The following CSMD1 variants were observed in gnomAD, a reference collection of about 807,000 sequenced individuals.
CSMD1 encodes the protein CUB and sushi domain-containing protein 1.
CSMD1 carries 213 observed loss-of-function variants against 417.5 expected under a neutral mutation model. The observed-to-expected ratio is 0.51, with a 90% CI of 0.46 to 0.57. The LOEUF is 0.57. Ranked by LOEUF, CSMD1 falls within the 20% of genes least tolerant of loss-of-function variation. CSMD1 has a pLI of 0.00. For synonymous variants in CSMD1, 2,862 were observed against 1,736.8 expected, an observed-to-expected ratio of 1.65 and a Z score of -16.11; for missense variants, 6,923 against 4,529.7, an observed-to-expected ratio of 1.53 and a Z score of -15.17.
intron 18 of CSMD1, among the ~76,000 whole-genome samples, chr8:3,376,603 T>G (rs901659040): frequency 6.6e-6 from 1 of 152,078 alleles, no homozygotes; most frequent in Non-Finnish European, 1.5e-5. Context: ...CTTTCTTTAA[T>G]TAAAAAAAAT....
At chr8:3,206,387 GTA>G (rs1797263623) in intron 30 of CSMD1, among the ~76,000 whole-genome samples, 1 of 132,612 alleles carries the variant, frequency 7.5e-6, no homozygotes. Flanking sequence ...CTGTGTGTGT[GTA>G]TGTGTGTGTG....
intron 3 of CSMD1, among the ~76,000 whole-genome samples, chr8:4,379,298 T>A (rs1037818831): frequency 3.3e-5 from 5 of 152,106 alleles, no homozygotes; most frequent in Non-Finnish European, 5.9e-5. Context: ...ACTGTCAAGG[T>A]CAAGAAAGAC....
intron 53 of CSMD1, among the ~76,000 whole-genome samples, chr8:2,998,684 G>T (rs1000872026): frequency 3.3e-5 from 5 of 152,116 alleles, no homozygotes; most frequent in African/African-American, 1.2e-4. Flanking sequence ...AAATAACTAA[G>T]CACACTCAGC....
chr8:3,313,987 G>A (rs1268027464), intron 23 of CSMD1, among the ~76,000 whole-genome samples: 1 of 152,070 alleles, frequency 6.6e-6, no homozygotes, highest in Non-Finnish European at 1.5e-5. Context: ...GGATGAAGCT[G>A]GAAACCATCA....
chr8:4,809,818 T>C (rs1042452236), intron 1 of CSMD1, among the ~76,000 whole-genome samples: 1 of 152,210 alleles, frequency 6.6e-6, no homozygotes, highest in Non-Finnish European at 1.5e-5. Context: ...CTAGTACATA[T>C]CATTGTGGAC....
chr8:3,471,633 C>A (rs1585213842), intron 11 of CSMD1, among the ~76,000 whole-genome samples: 1 of 143,798 alleles, frequency 7.0e-6, no homozygotes, highest in East Asian at 2.2e-4. Context: ...TCCCTCTCTC[C>A]CTCCCTTCTT....
intron 69 of CSMD1, among the ~76,000 whole-genome samples, chr8:2,942,147 A>G (rs1364747551): frequency 6.6e-6 from 1 of 152,024 alleles, no homozygotes; most frequent in African/African-American, 2.4e-5. Context: ...GGACACATTG[A>G]GGGGACAACA....
chr8:3,355,841 A>G (rs1808743812), intron 21 of CSMD1, among the ~76,000 whole-genome samples: 1 of 152,220 alleles, frequency 6.6e-6, no homozygotes, highest in Non-Finnish European at 1.5e-5. Flanking sequence ...CAAGTGAAAA[A>G]GAAGATCCTA....
At chr8:3,617,236 T>C (rs1233372619) in intron 7 of CSMD1, among the ~76,000 whole-genome samples, 1 of 152,196 alleles carries the variant, frequency 6.6e-6, no homozygotes, top group African/African-American at 2.4e-5. Context: ...TTAAATAACA[T>C]TATGTATATT....
At chr8:4,860,867 C>A (rs1235009561) in intron 1 of CSMD1, among the ~76,000 whole-genome samples, 2 of 152,114 alleles carry the variant, frequency 1.3e-5, no homozygotes, top group Non-Finnish European at 2.9e-5. Flanking sequence ...GTTCACATCC[C>A]TGCTTCTCCT....
intron 6 of CSMD1, among the ~76,000 whole-genome samples, chr8:3,710,857 T>G (rs1801467928): frequency 6.6e-6 from 1 of 151,926 alleles, no homozygotes; most frequent in Admixed American, 6.6e-5. Flanking sequence ...AGCCCCAAAC[T>G]CCAAACCTTT....
At chr8:3,440,730 G>T (rs1032606797) in intron 12 of CSMD1, among the ~76,000 whole-genome samples, 3 of 152,162 alleles carry the variant, frequency 2.0e-5, no homozygotes, top group Admixed American at 6.6e-5. Context: ...TACTCTTAGG[G>T]GGTAACATCC....
rs187742027 is a variant in CSMD1 at position 3,508,212 on chromosome 8, C to G, written c.1345-14486G>C. The stretch of plus-strand genomic sequence containing the variant: ...TGTCTCTTTGGTTGTCTAGAAATAG[C>G]AGGTAGTAGGAATTTGAGGCACTTA... On this transcript the variant is annotated intron_variant, in intron 10 of 69. Coordinates refer to ENST00000635120, the MANE Select transcript of CSMD1 (RefSeq NM_033225.6). 4.8e-3 allele frequency among the ~76,000 whole-genome samples: 735 copies of G among 152,096 alleles called. 7 individuals are homozygous for G. The highest frequency in any genetic ancestry group is 0.016 in the African/African-American group (679 of 41,476).
chr8:4,902,850 T>C (rs62484658), intron 1 of CSMD1, among the ~76,000 whole-genome samples: 7,462 of 152,016 alleles, frequency 0.049, 265 homozygotes, highest in Middle Eastern at 0.089. Context: ...TTTTTATTTT[T>C]ATCATTTATG....
intron 38 of CSMD1, among the ~76,000 whole-genome samples, chr8:3,160,969 G>A (rs1390343951): frequency 6.6e-6 from 1 of 152,190 alleles, no homozygotes; most frequent in East Asian, 1.9e-4. Context: ...TTTCACGGCT[G>A]TAGTGTTGCA....
In CSMD1 at chr8:3,306,782, G is replaced by A. The variant is rs1020680940; in HGVS notation, c.3950+913C>T. 6.6e-5 allele frequency among the ~76,000 whole-genome samples: 10 copies of A among 151,914 alleles called. 1 individual carries two copies. In the South Asian group the frequency reaches 1.7e-3, roughly 25 times the overall value. On this transcript the variant is annotated intron_variant, in intron 25 of 69. Transcript: ENST00000635120. Reference sequence around the variant, plus strand: ...ATTTTAAAATTACCTTTTGCCTTATGTGCTATGGTTTTGGAGACAGATTTC... The same window carrying A: ...ATTTTAAAATTACCTTTTGCCTTATATGCTATGGTTTTGGAGACAGATTTC...
chr8:4,881,019 C>G (rs963671702), intron 1 of CSMD1, among the ~76,000 whole-genome samples: 1 of 151,982 alleles, frequency 6.6e-6, no homozygotes, highest in African/African-American at 2.4e-5. Context: ...TCCCACCTAT[C>G]CAAATCCTCC....
intron 3 of CSMD1, among the ~76,000 whole-genome samples, chr8:4,272,821 G>C (rs151069440): frequency 1.3e-5 from 2 of 152,090 alleles, no homozygotes; most frequent in African/African-American, 2.4e-5. Context: ...ATATACCTTT[G>C]CTTGTATCAG....
intron 2 of CSMD1, among the ~76,000 whole-genome samples, chr8:4,540,492 C>T (rs1198364021): frequency 6.6e-6 from 1 of 152,048 alleles, no homozygotes; most frequent in Non-Finnish European, 1.5e-5. Context: ...TGGCTTGAGC[C>T]CAGGAGTTCC....
Sources: allele counts gnomAD v4.1 joint callset (sites outside exome capture counted in the v4.1 genomes callset), GRCh38; gene constraint gnomAD v4.1.1; transcripts MANE v1.5; gene names NCBI Gene and HGNC (gene_info 2026-07-23, HGNC 2026-07-21).